ARNT2: variants seen among roughly 807,000 people sequenced by gnomAD.
The protein encoded by ARNT2 is ARNT protein 2.
Under a neutral mutation model 91.7 loss-of-function variants are expected in ARNT2, and 36 were observed. That is an observed-to-expected ratio of 0.39 (90% CI 0.30 to 0.52). The LOEUF (loss-of-function observed/expected upper bound fraction) is 0.52, where lower values mean the gene tolerates loss of function less well. ARNT2 is among the 20% of genes least tolerant of loss of function. The pLI is 0.72. For synonymous variants in ARNT2, 365 were observed against 347.1 expected, an observed-to-expected ratio of 1.05 and a Z score of -0.57; for missense variants, 775 against 939.3, an observed-to-expected ratio of 0.83 and a Z score of 2.29.
At chr15:80,457,889 T>G in intron 2 of ARNT2, 40 bp from the exon 3 acceptor site, 1 of 1,609,038 alleles carries the variant, frequency 6.2e-7, no homozygotes, top group Non-Finnish European at 8.5e-7. Context: ...TAAAATGTTC[T>G]CCTAATAATC....
intron 1 of ARNT2, among the ~76,000 whole-genome samples, chr15:80,416,862 G>A (rs543537308): frequency 4.5e-4 from 69 of 152,222 alleles, no homozygotes; most frequent in African/African-American, 1.6e-3. Flanking sequence ...TGAAGTCAAG[G>A]TCGTGTATAG....
At chr15:80,585,525 G>T (rs958812352) in intron 17 of ARNT2, among the ~76,000 whole-genome samples, 2 of 152,214 alleles carry the variant, frequency 1.3e-5, no homozygotes, top group Non-Finnish European at 2.9e-5. Flanking sequence ...CTTGGAAGAG[G>T]AGACCCCACC....
At chr15:80,545,092 A>T (rs886676781) in intron 8 of ARNT2, among the ~76,000 whole-genome samples, 1 of 152,232 alleles carries the variant, frequency 6.6e-6, no homozygotes, top group African/African-American at 2.4e-5. Flanking sequence ...CTGAAACTCC[A>T]TTGCCATGTG....
At chr15:80,474,639 G>A (rs1896774513) in intron 4 of ARNT2, among the ~76,000 whole-genome samples, 1 of 151,994 alleles carries the variant, frequency 6.6e-6, no homozygotes, top group Admixed American at 6.5e-5. Flanking sequence ...CTATGTGTTG[G>A]GCCCTTCTGC....
chr15:80,519,366 C>G (rs1897496273), intron 8 of ARNT2, among the ~76,000 whole-genome samples: 1 of 152,132 alleles, frequency 6.6e-6, no homozygotes, highest in South Asian at 2.1e-4. Context: ...ATAGTTGCAT[C>G]CTTTTGAGTC....
At chr15:80,484,785 C>T (rs1261301654) in intron 5 of ARNT2, among the ~76,000 whole-genome samples, 2 of 152,064 alleles carry the variant, frequency 1.3e-5, no homozygotes, top group African/African-American at 4.8e-5. Context: ...CTCCACCAGC[C>T]GTGTGTGCTG....
intron 12 of ARNT2, among the ~76,000 whole-genome samples, chr15:80,567,458 G>A (rs1164860002): frequency 5.3e-5 from 8 of 152,184 alleles, no homozygotes; most frequent in South Asian, 2.1e-4. Flanking sequence ...CTCCAAGAAC[G>A]TAAGAAGGGG....
chr15:80,577,085 C>A, intron 15 of ARNT2, 120 bp downstream of exon 15: 1 of 961,970 alleles, frequency 1.0e-6, no homozygotes, highest in Admixed American at 2.2e-5. Context: ...GGCGCTCAGG[C>A]CTTGGACTAA....
chr15:80,470,490 G>T, intron 4 of ARNT2, 59 bp downstream of exon 4: 2 of 1,562,028 alleles, frequency 1.3e-6, no homozygotes, highest in South Asian at 1.1e-5. Flanking sequence ...TCACCAAGAC[G>T]AAATAAACTA....
intron 15 of ARNT2, 38 bp downstream of exon 15, chr15:80,577,003 G>T (rs1178980006): frequency 6.3e-7 from 1 of 1,593,462 alleles, no homozygotes; most frequent in East Asian, 2.2e-5. Flanking sequence ...GTGGGAAGAT[G>T]CTCCCTCACC....
At chr15:80,472,109 G>A (rs1595977691) in intron 4 of ARNT2, among the ~76,000 whole-genome samples, 1 of 152 alleles carries the variant, frequency 6.6e-3, no homozygotes, top group African/African-American at 0.022. Flanking sequence ...TAGCCGGTGG[G>A]GGGGCATTGG....
At chr15:80,542,065 G>A (rs1227031787) in intron 8 of ARNT2, among the ~76,000 whole-genome samples, 1 of 152,168 alleles carries the variant, frequency 6.6e-6, no homozygotes, top group Admixed American at 6.6e-5. Flanking sequence ...AGTGTCCTGA[G>A]AACATCACAC....
intron 5 of ARNT2, among the ~76,000 whole-genome samples, chr15:80,489,627 A>G (rs1469856377): frequency 6.6e-6 from 1 of 152,206 alleles, no homozygotes; most frequent in Admixed American, 6.5e-5. Flanking sequence ...TGAAGTGGCC[A>G]CTGGCTTCTT....
intron 10 of ARNT2, among the ~76,000 whole-genome samples, chr15:80,553,452 T>C (rs1333122047): frequency 1.3e-5 from 2 of 152,216 alleles, no homozygotes; most frequent in Admixed American, 6.5e-5. Flanking sequence ...TAGCACATGA[T>C]AGCACATTGT....
At chr15:80,423,623 A>G (rs915125140) in intron 1 of ARNT2, among the ~76,000 whole-genome samples, 1 of 152,150 alleles carries the variant, frequency 6.6e-6, no homozygotes, top group African/African-American at 2.4e-5. Flanking sequence ...GATGAATTTG[A>G]TTTGCTAAGA....
At chr15:80,450,681 T>C (rs1209866190) in intron 1 of ARNT2, among the ~76,000 whole-genome samples, 199 bp from the exon 2 acceptor site, 1 of 152,260 alleles carries the variant, frequency 6.6e-6, no homozygotes, top group South Asian at 2.1e-4. Flanking sequence ...AATATGAGAG[T>C]ACTGCCAGAG....
intron 1 of ARNT2, chr15:80,436,434 G>A (rs1018695864): frequency 2.6e-5 from 4 of 154,556 alleles, no homozygotes; most frequent in African/African-American, 9.6e-5. Flanking sequence ...TAACTGTATT[G>A]TGTTCCTTCA....
At chr15:80,529,046 T>C (rs561966998) in intron 8 of ARNT2, among the ~76,000 whole-genome samples, 98 of 152,350 alleles carry the variant, frequency 6.4e-4, no homozygotes, top group African/African-American at 2.3e-3. Context: ...TCCATTGTTT[T>C]ATTCTATTTT....
chr15:80,546,903 C>G (rs924212161), intron 8 of ARNT2, among the ~76,000 whole-genome samples: 2 of 151,478 alleles, frequency 1.3e-5, no homozygotes, highest in African/African-American at 4.9e-5. Flanking sequence ...GTGGAAGTTG[C>G]AGTGAGCCGA....
Sources: gnomAD v4.1 joint callset for allele counts (sites outside exome capture counted in the v4.1 genomes callset) on GRCh38, gnomAD v4.1.1 for gene constraint, MANE v1.5 for transcripts, NCBI Gene and HGNC (gene_info 2026-07-23, HGNC 2026-07-21) for gene names.